Variants in CCDC42 observed in about 807,000 individuals in gnomAD.
The protein encoded by CCDC42 is coiled-coil domain containing 42, also known as coiled-coil domain-containing protein 42.
CCDC42 carries 38 observed loss-of-function variants against 40.8 expected under a neutral mutation model. That is an observed-to-expected ratio of 0.93 (90% CI 0.72 to 1.22). The LOEUF (loss-of-function observed/expected upper bound fraction) is 1.22, where lower values mean the gene tolerates loss of function less well. CCDC42 is among the 50% of genes most tolerant of loss of function. The pLI is 0.00. For missense variants in CCDC42, 379 were observed against 416.5 expected (o/e 0.91, Z 0.78); for synonymous variants, 135 against 157.5 (o/e 0.86, Z 1.07).
Position 8,744,188 on chromosome 17 carries a change from T to TC in CCDC42, c.84-5dup. 6.2e-7 allele frequency: 1 copy of TC among 1,610,258 alleles called. No individual in the cohort carries two copies. The highest frequency in any genetic ancestry group is 1.1e-5 in the South Asian group (1 of 90,792). The stretch of plus-strand genomic sequence containing the variant: ...CCCCTCAACATTGGGGAGTTTCCTG[T>TC]CCAAGATGTGAACGCGAGAGGGCTG... On this transcript the variant is annotated splice_region_variant and splice_polypyrimidine_tract_variant and intron_variant, in intron 1 of 6. Coordinates refer to ENST00000293845, the MANE Select transcript of CCDC42 (RefSeq NM_144681.3).
At chr17:8,740,049 C>A (rs963544364) in intron 4 of CCDC42, among the ~76,000 whole-genome samples, 1 of 152,174 alleles carries the variant, frequency 6.6e-6, no homozygotes, top group African/African-American at 2.4e-5. Context: ...AACAGTTGTG[C>A]ATCCTGTCGC....
At chr17:8,738,624 C>G (rs2086625042) in intron 4 of CCDC42, among the ~76,000 whole-genome samples, 1 of 152,026 alleles carries the variant, frequency 6.6e-6, no homozygotes, top group African/African-American at 2.4e-5. Context: ...CGCCATCACG[C>G]CCAGCTAATT....
intron 6 of CCDC42, among the ~76,000 whole-genome samples, chr17:8,732,298 C>CAAAAAA (rs58310263): frequency 1.4e-5 from 1 of 71,564 alleles, no homozygotes; most frequent in Non-Finnish European, 2.7e-5. Context: ...GACTCCGTCT[C>CAAAAAA]AAAAAAAAAA....
intron 2 of CCDC42, 61 bp downstream of exon 2, chr17:8,744,018 C>G: frequency 1.5e-6 from 2 of 1,316,142 alleles, no homozygotes; most frequent in Non-Finnish European, 2.1e-6. Flanking sequence ...CAGGCTCTCC[C>G]AGAGCCCCAG....
intron 4 of CCDC42, 66 bp downstream of exon 4, chr17:8,741,408 G>A: frequency 6.7e-7 from 1 of 1,501,892 alleles, no homozygotes; most frequent in South Asian, 1.1e-5. Context: ...ATGGCCCCAG[G>A]CCCCGGGGAA....
At chr17:8,741,394 T>C (rs2086642440) in intron 4 of CCDC42, 80 bp downstream of exon 4, 1 of 1,405,140 alleles carries the variant, frequency 7.1e-7, no homozygotes, top group Non-Finnish European at 1.0e-6. Flanking sequence ...CTGAATTCCA[T>C]CCCATGGCCC....
rs1414994440 is a variant in CCDC42 at position 8,730,257 on chromosome 17, CT to C, written c.874-51del. 3 of 1,369,348 alleles carry C rather than the reference CT, an allele frequency of 2.2e-6. No individual in the cohort carries two copies. In the African/African-American group the frequency reaches 4.3e-5, roughly 20 times the overall value. The allele number at this position is 1,369,348 out of a possible 1,614,324, so 84.8% of individuals were successfully genotyped here. On this transcript the variant is annotated intron_variant, in intron 6 of 6. Transcript: ENST00000293845. ...TAACTCCGCCCCCCAGAGGCCTCCCCTGTCCCAAGATGGAGCATCCCAGACA... is the reference window on the plus strand; with the variant it reads ...TAACTCCGCCCCCCAGAGGCCTCCCCGTCCCAAGATGGAGCATCCCAGACA...
chr17:8,743,714 A>C lies in CCDC42; in HGVS notation c.206T>G (p.Met69Arg). 2 of 1,442,646 alleles carry C rather than the reference A, an allele frequency of 1.4e-6. No individual in the cohort carries two copies. Among genetic ancestry groups the C allele is most frequent in the Non-Finnish European group, 2.0e-6 (2 of 1,023,334 alleles). The allele number at this position is 1,442,646 out of a possible 1,614,324, so 89.4% of individuals were successfully genotyped here. ...VQKKKMFQRR[M>R]ETLNLRWEEL... ...CTCCCAGCGCAGGTTCAGGGTTTCC[A>C]TTCTGCGCTGAAACATCTTTGGGGT... The change falls in exon 3 of 7, where the codon ATG becomes AGG. Residue 69 changes from methionine (M) to arginine (R), a missense_variant. Coordinates refer to ENST00000293845, the MANE Select transcript of CCDC42 (RefSeq NM_144681.3).
At position 8,741,285 on chromosome 17, in the gene CCDC42, C is replaced by T. The variant is rs2086641650; in HGVS notation, c.492+189G>A. Among the ~76,000 whole-genome samples, 3 of 152,338 alleles carry T rather than the reference C, an allele frequency of 2.0e-5. No homozygotes were observed. The South Asian group carries it at 6.2e-4, about 32-fold the overall frequency. On this transcript the variant is annotated intron_variant, in intron 4 of 6. Transcript: ENST00000293845. ...ACCAGAGGCTTCTTTTAGCTGCTCC[C>T]CAGTGCCCCCCAGGGCTGGGTGCAT...
intron 4 of CCDC42, among the ~76,000 whole-genome samples, chr17:8,739,581 C>T (rs985928535): frequency 7.2e-5 from 11 of 152,110 alleles, no homozygotes; most frequent in African/African-American, 2.4e-4. Context: ...TCGCTCTTGT[C>T]GCCCAGGCTG....
At chr17:8,738,489 G>A (rs1436556397) in intron 4 of CCDC42, among the ~76,000 whole-genome samples, 2 of 145,192 alleles carry the variant, frequency 1.4e-5, no homozygotes, top group East Asian at 2.0e-4. Flanking sequence ...TTTTTGAGAC[G>A]GAGTCTAGCT....
chr17:8,735,303 G>A lies in CCDC42; in HGVS notation c.715-49C>T, dbSNP rs755430900. 8.1e-6 allele frequency: 13 copies of A among 1,612,656 alleles called. No individual in the cohort carries two copies. The South Asian group carries it at 1.2e-4, about 15-fold the overall frequency. ...CATGAGCACAGCATGTGGTGTGTGT[G>A]TGTTTGTGTGTATGTGTGTGTGTGT... On this transcript the variant is annotated intron_variant, in intron 5 of 6. Coordinates refer to ENST00000293845, the MANE Select transcript of CCDC42 (RefSeq NM_144681.3). The surrounding 1 kb of genome is among the most constrained non-coding windows in gnomAD (Gnocchi z 4.7).
intron 6 of CCDC42, among the ~76,000 whole-genome samples, chr17:8,734,290 C>T (rs1351584647): frequency 6.6e-6 from 1 of 152,118 alleles, no homozygotes; most frequent in Non-Finnish European, 1.5e-5. Flanking sequence ...TAAAGAAAAG[C>T]TCTCTGGGAA....
Position 8,744,680 on chromosome 17 carries a change from G to A in CCDC42, c.-71C>T. 9.0e-7 allele frequency: 1 copy of A among 1,115,198 alleles called. No individual in the cohort carries two copies. Among genetic ancestry groups the A allele is most frequent in the Non-Finnish European group, 1.4e-6 (1 of 735,748 alleles). 69.1% of individuals were successfully genotyped at this position (1,115,198 alleles called of 1,614,324 possible). ...AATTGTGGGTAGCAGAGCCACAGGT[G>A]GCTCAGGGGTGGTGGCTGCACTCTT... On this transcript the variant is annotated 5_prime_UTR_variant, in exon 1 of 7. Transcript: ENST00000293845.
intron 3 of CCDC42, among the ~76,000 whole-genome samples, chr17:8,742,377 G>A (rs2086650750): frequency 6.6e-6 from 1 of 152,180 alleles, no homozygotes; most frequent in Admixed American, 6.5e-5. Context: ...GGGAGAGCAT[G>A]CTCCTAGGAG....
intron 6 of CCDC42, 33 bp from the exon 7 acceptor site, chr17:8,730,240 C>G (rs200263453): frequency 7.7e-6 from 12 of 1,552,634 alleles, no homozygotes; most frequent in Non-Finnish European, 1.1e-5. Context: ...GTTAACTCCG[C>G]CCCCCAGAGG....
chr17:8,735,416 G>C lies in CCDC42; in HGVS notation c.688C>G (p.Arg230Gly). 6.2e-7 allele frequency: 1 copy of C among 1,613,936 alleles called. No homozygotes were observed. The highest frequency in any genetic ancestry group is 8.5e-7 in the Non-Finnish European group (1 of 1,180,014). The change falls in exon 5 of 7, where the codon CGT becomes GGT. Residue 230 changes from arginine to glycine, a missense_variant. Coordinates refer to ENST00000293845, the MANE Select transcript of CCDC42 (RefSeq NM_144681.3). The surrounding 1 kb of genome is among the most constrained non-coding windows in gnomAD (Gnocchi z 4.7). ...ELARLQMRFD[R>G]ARSNVIFWES... ...CAGAAGATGACATTGCTGCGGGCAC[G>C]GTCAAAGCGCATCTGCAGCCTTGCC...
intron 6 of CCDC42, among the ~76,000 whole-genome samples, chr17:8,734,047 C>T (rs1016942088): frequency 1.3e-5 from 2 of 152,254 alleles, no homozygotes; most frequent in African/African-American, 4.8e-5. Flanking sequence ...AGAATGAACG[C>T]AGGAGTGGAC....
intron 3 of CCDC42, 61 bp from the exon 4 acceptor site, chr17:8,741,732 C>T (rs1235559020): frequency 6.5e-7 from 1 of 1,528,370 alleles, no homozygotes; most frequent in Non-Finnish European, 8.9e-7. Flanking sequence ...GGGGCCCAGG[C>T]CTTCCTGGGG....
Sources: allele counts gnomAD v4.1 joint callset (sites outside exome capture counted in the v4.1 genomes callset), GRCh38; gene constraint gnomAD v4.1.1; non-coding constraint Gnocchi (gnomAD v3.1); transcripts MANE v1.5; gene names NCBI Gene and HGNC (gene_info 2026-07-23, HGNC 2026-07-21).